GRXCR1: variants seen among roughly 807,000 people sequenced by gnomAD.
The protein encoded by GRXCR1 is glutaredoxin and cysteine rich domain containing 1, also known as glutaredoxin domain-containing cysteine-rich protein 1.
In GRXCR1, 27 loss-of-function variants were observed where a neutral mutation model predicts 27.3. The observed-to-expected ratio is 0.99, with a 90% confidence interval of 0.73 to 1.37. GRXCR1 has a LOEUF of 1.37. Ranked by LOEUF, GRXCR1 falls within the 40% of genes most tolerant of loss-of-function variation. The pLI is 0.00. For missense variants in GRXCR1, 379 were observed against 354.4 expected (o/e 1.07, Z -0.56); for synonymous variants, 122 against 131.1 (o/e 0.93, Z 0.47).
intron 2 of GRXCR1, among the ~76,000 whole-genome samples, chr4:42,978,712 C>G (rs965861483): frequency 6.6e-6 from 1 of 151,952 alleles, no homozygotes; most frequent in Non-Finnish European, 1.5e-5. Flanking sequence ...TTTTTAACAG[C>G]AATTTCAGCA....
chr4:42,941,827 C>G (rs545962784), intron 1 of GRXCR1, among the ~76,000 whole-genome samples: 7 of 151,880 alleles, frequency 4.6e-5, no homozygotes, highest in Admixed American at 4.6e-4. Context: ...TTCTAGAAGA[C>G]AAAATTATCC....
At chr4:43,006,537 G>A (rs1001578132) in intron 2 of GRXCR1, among the ~76,000 whole-genome samples, 2 of 152,132 alleles carry the variant, frequency 1.3e-5, no homozygotes, top group Non-Finnish European at 2.9e-5. Context: ...GTCTCCCATA[G>A]CACTCCCAGG....
chr4:42,903,526 A>C (rs1342144024), intron 1 of GRXCR1, among the ~76,000 whole-genome samples: 4 of 146,754 alleles, frequency 2.7e-5, no homozygotes, highest in Admixed American at 7.1e-5. Flanking sequence ...GTTAGCCAGG[A>C]TGGTCTCTAT....
intron 2 of GRXCR1, among the ~76,000 whole-genome samples, chr4:43,013,068 C>A (rs1712812601): frequency 6.6e-6 from 1 of 152,252 alleles, no homozygotes. Flanking sequence ...CTTGTATTAC[C>A]ATTGATGGGA....
intron 1 of GRXCR1, among the ~76,000 whole-genome samples, chr4:42,948,234 CT>C (rs5857877): frequency 0.44 from 64,526 of 147,242 alleles, 14,672 homozygotes; most frequent in African/African-American, 0.59. Context: ...ATTTCTAGGG[CT>C]TTTTTTTTTT....
intron 1 of GRXCR1, among the ~76,000 whole-genome samples, chr4:42,904,327 A>T (rs1746535845): frequency 6.6e-6 from 1 of 152,192 alleles, no homozygotes; most frequent in Non-Finnish European, 1.5e-5. Flanking sequence ...TCTTGAAAAC[A>T]TTCTTCTATC....
At chr4:42,980,305 T>G (rs548769777) in intron 2 of GRXCR1, among the ~76,000 whole-genome samples, 1 of 152,152 alleles carries the variant, frequency 6.6e-6, no homozygotes, top group South Asian at 2.1e-4. Context: ...AGACTTGATT[T>G]TGCTGTATTC....
chr4:42,960,828 C>T (rs1577921620), intron 1 of GRXCR1, among the ~76,000 whole-genome samples: 1 of 151,798 alleles, frequency 6.6e-6, no homozygotes, highest in South Asian at 2.1e-4. Context: ...AGCTTATCCT[C>T]TCCTTTTTTA....
chr4:43,004,481 C>A (rs1223501592), intron 2 of GRXCR1, among the ~76,000 whole-genome samples: 1 of 152,208 alleles, frequency 6.6e-6, no homozygotes, highest in Non-Finnish European at 1.5e-5. Context: ...TGACAGCATG[C>A]ATCATGCACC....
At chr4:42,939,080 C>T (rs1217861081) in intron 1 of GRXCR1, among the ~76,000 whole-genome samples, 1 of 151,956 alleles carries the variant, frequency 6.6e-6, no homozygotes, top group Non-Finnish European at 1.5e-5. Flanking sequence ...TGCACTGTAT[C>T]TATAGATTGC....
intron 1 of GRXCR1, among the ~76,000 whole-genome samples, chr4:42,903,438 A>G (rs1299546754): frequency 6.9e-6 from 1 of 144,312 alleles, no homozygotes; most frequent in East Asian, 2.5e-4. Flanking sequence ...CAGCCTCCCA[A>G]GTAGCTGGGA....
chr4:43,016,099 A>G (rs915114863), intron 2 of GRXCR1, among the ~76,000 whole-genome samples: 3 of 152,224 alleles, frequency 2.0e-5, no homozygotes, highest in Admixed American at 1.3e-4. Context: ...AGAGTATGCT[A>G]AATACAAGCT....
At chr4:42,985,380 A>AC (rs1711682769) in intron 2 of GRXCR1, among the ~76,000 whole-genome samples, 1 of 152,176 alleles carries the variant, frequency 6.6e-6, no homozygotes, top group African/African-American at 2.4e-5. Flanking sequence ...TAAAGGTATA[A>AC]CCTGTAACAT....
chr4:42,941,026 T>C lies in GRXCR1; in HGVS notation c.385-21866T>C, dbSNP rs186777311. On this transcript the variant is annotated intron_variant, in intron 1 of 3. Transcript: ENST00000399770. ...CTCTATTGTATGGTGTAGAATAATA[T>C]ATATTCCTGTGTGTATAATTCTTAT... Among the ~76,000 whole-genome samples the C allele has an allele frequency of 3.9e-3, 597 of 152,174 alleles. 2 individuals carry two copies. Among genetic ancestry groups the C allele is most frequent in the Middle Eastern group, 6.8e-3 (2 of 294 alleles).
chr4:42,934,956 G>A (rs932793178), intron 1 of GRXCR1, among the ~76,000 whole-genome samples: 2 of 151,942 alleles, frequency 1.3e-5, no homozygotes, highest in African/African-American at 4.8e-5. Context: ...CTGGAATTGG[G>A]ATTTTGGTTG....
intron 1 of GRXCR1, among the ~76,000 whole-genome samples, chr4:42,930,101 A>C (rs1161512889): frequency 1.3e-5 from 2 of 151,976 alleles, no homozygotes; most frequent in Non-Finnish European, 2.9e-5. Flanking sequence ...TCTTTGCCAC[A>C]TCCTGGCTAT....
At chr4:43,022,573 C>T (rs952740175) in intron 3 of GRXCR1, among the ~76,000 whole-genome samples, 13 of 152,158 alleles carry the variant, frequency 8.5e-5, no homozygotes, top group Middle Eastern at 3.2e-3. Context: ...AGGAACTCTG[C>T]GGTGCCATCA....
intron 2 of GRXCR1, among the ~76,000 whole-genome samples, chr4:42,965,195 C>T (rs1748210159): frequency 2.0e-5 from 3 of 152,034 alleles, no homozygotes; most frequent in Admixed American, 2.0e-4. Flanking sequence ...GGGCATGCTT[C>T]TTTCCCAGTT....
At chr4:42,931,460 T>C (rs767144626) in intron 1 of GRXCR1, among the ~76,000 whole-genome samples, 2 of 151,928 alleles carry the variant, frequency 1.3e-5, no homozygotes, top group Non-Finnish European at 2.9e-5. Flanking sequence ...AAGAAGTCTA[T>C]GGCTGATAAA....
Sources: gnomAD v4.1 joint callset for allele counts (sites outside exome capture counted in the v4.1 genomes callset) on GRCh38, gnomAD v4.1.1 for gene constraint, MANE v1.5 for transcripts, NCBI Gene and HGNC (gene_info 2026-07-23, HGNC 2026-07-21) for gene names.